The following SRGAP3 variants were observed in gnomAD, a reference collection of about 807,000 sequenced individuals.
SRGAP3 encodes the protein SLIT-ROBO Rho GTPase activating protein 3, also known as SLIT-ROBO Rho GTPase-activating protein 3.
A neutral mutation model predicts 121.1 loss-of-function variants in SRGAP3; 39 were observed. The ratio of observed to expected loss-of-function variants is 0.32; its 90% CI spans 0.25 to 0.42. The LOEUF (loss-of-function observed/expected upper bound fraction) is 0.42, where lower values mean the gene tolerates loss of function less well. Ranked by LOEUF, SRGAP3 falls within the 10% of genes least tolerant of loss-of-function variation. The pLI is 1.00. For synonymous variants in SRGAP3, 601 were observed against 570.0 expected (o/e 1.05, Z -0.77); for missense variants, 1,213 against 1,470.6 (o/e 0.82, Z 2.86).
At chr3:9,206,861 T>C (rs764588754) in intron 1 of SRGAP3, among the ~76,000 whole-genome samples, 21 of 152,182 alleles carry the variant, frequency 1.4e-4, no homozygotes, top group Non-Finnish European at 3.1e-4. Context: ...TCCTTATTTG[T>C]CTATTTCATG....
At chr3:9,272,184 C>T (rs2125261110) in intron 3 of SRGAP3, among the ~76,000 whole-genome samples, 1 of 152,300 alleles carries the variant, frequency 6.6e-6, no homozygotes, top group South Asian at 2.1e-4. Flanking sequence ...TGTTGTCAGT[C>T]GTTACGGTGG....
chr3:9,210,680 A>T (rs937874986), intron 1 of SRGAP3, among the ~76,000 whole-genome samples: 1 of 151,846 alleles, frequency 6.6e-6, no homozygotes, highest in African/African-American at 2.4e-5. Context: ...CAAAAAATAA[A>T]TTAGCCAGGG....
chr3:9,226,010 C>A (rs565168515), intron 1 of SRGAP3, among the ~76,000 whole-genome samples: 28 of 152,326 alleles, frequency 1.8e-4, no homozygotes, highest in Admixed American at 1.6e-3. Flanking sequence ...TAAAACACAC[C>A]TGAGGCTGGA....
At chr3:9,003,098 C>T (rs2124989420) in intron 18 of SRGAP3, among the ~76,000 whole-genome samples, 1 of 152,212 alleles carries the variant, frequency 6.6e-6, no homozygotes, top group East Asian at 1.9e-4. Context: ...CAAGTATTAC[C>T]CTGATACCAA....
intron 1 of SRGAP3, among the ~76,000 whole-genome samples, chr3:9,202,319 C>G (rs1952092753): frequency 6.6e-6 from 1 of 152,188 alleles, no homozygotes; most frequent in Admixed American, 6.5e-5. Context: ...TATCTGCCAG[C>G]CTTGGCCTCT....
At chr3:9,168,869 T>C (rs1479801224) in intron 1 of SRGAP3, among the ~76,000 whole-genome samples, 1 of 152,264 alleles carries the variant, frequency 6.6e-6, no homozygotes, top group Admixed American at 6.5e-5. Context: ...TATTCTGATA[T>C]GTTACAGTGG....
chr3:9,023,857 G>A (rs1042379410), intron 14 of SRGAP3, among the ~76,000 whole-genome samples: 1 of 152,130 alleles, frequency 6.6e-6, no homozygotes, highest in Admixed American at 6.5e-5. Context: ...GAAGGCCACT[G>A]AGCATGACAT....
rs1461364409 is a variant in SRGAP3, at chr3:8,983,864, G to C, written c.*1655C>G. 4.4e-6 allele frequency: 1 copy of C among 229,794 alleles called. No individual in the cohort carries two copies. Among genetic ancestry groups the C allele is most frequent in the South Asian group, 1.8e-4 (1 of 5,510 alleles). 14.2% of individuals were successfully genotyped at this position (229,794 alleles called of 1,614,324 possible). A position where few individuals can be genotyped will look rare whatever the true frequency, so the allele number is the denominator to read the frequency against. ...CCTAAGTGCTCAGGGCTGGGACTCA[G>C]ACTCTGGGCCTTTTGACTCCAAACT... On this transcript the variant is annotated 3_prime_UTR_variant, in exon 22 of 22. Coordinates refer to ENST00000383836, the MANE Select transcript of SRGAP3 (RefSeq NM_014850.4).
chr3:9,171,977 A>G (rs1950992695), intron 1 of SRGAP3, among the ~76,000 whole-genome samples: 1 of 151,658 alleles, frequency 6.6e-6, no homozygotes, highest in African/African-American at 2.4e-5. Context: ...CTCCTGCCGT[A>G]TCTCTGGATT....
rs1393755228 is a variant in SRGAP3 at position 9,038,217 on chromosome 3, C to A, written c.1409-127G>T. The stretch of plus-strand genomic sequence containing the variant: ...TATGAAATATGAAATCTAATTATGC[C>A]TAAGGTGCGGTCTGTTGAAAAGAAC... On this transcript the variant is annotated intron_variant, in intron 10 of 21. Transcript: ENST00000383836. 1.0e-5 allele frequency: 13 copies of A among 1,293,470 alleles called. No individual in the cohort carries two copies. In the African/African-American group the frequency reaches 1.6e-4, roughly 16 times the overall value. The allele number at this position is 1,293,470 out of a possible 1,614,324, so 80.1% of individuals were successfully genotyped here. A position where few individuals can be genotyped will look rare whatever the true frequency, so the allele number is the denominator to read the frequency against.
rs149999777 is a variant in SRGAP3 at position 9,362,456 on chromosome 3, G to A, written n.214+384C>T. Among the ~76,000 whole-genome samples, 321 of 150,004 alleles carry A rather than the reference G, an allele frequency of 2.1e-3. 3 individuals carry two copies. The highest frequency in any genetic ancestry group is 2.1e-3 in the Non-Finnish European group (140 of 67,528). On this transcript the variant is annotated intron_variant and non_coding_transcript_variant, in intron 1 of 3. Coordinates refer to the SRGAP3 transcript ENST00000490889. The stretch of plus-strand genomic sequence containing the variant: ...TGGGATTACAGGCATGAGCCACTGT[G>A]CCCGGCCAGGTTCAACCCTTTATGA...
intron 3 of SRGAP3, among the ~76,000 whole-genome samples, chr3:9,309,988 A>G (rs1408262838): frequency 6.6e-6 from 1 of 152,224 alleles, no homozygotes; most frequent in African/African-American, 2.4e-5. Flanking sequence ...AGAACATCCT[A>G]GAGAGGACCC....
chr3:9,113,287 G>C (rs116610382), intron 2 of SRGAP3, among the ~76,000 whole-genome samples: 178 of 152,282 alleles, frequency 1.2e-3, no homozygotes, highest in African/African-American at 4.0e-3. Context: ...GACTGTGAAG[G>C]AGGATCTGTC....
Position 9,358,612 on chromosome 3 carries a change from C to G in SRGAP3, n.214+4228G>C, listed in dbSNP as rs953160103. Among the ~76,000 whole-genome samples, 40 of 152,170 alleles carry G rather than the reference C, an allele frequency of 2.6e-4. 1 individual carries two copies. Among genetic ancestry groups the G allele is most frequent in the Non-Finnish European group, 2.2e-4 (15 of 68,034 alleles). ...TATCTACCTAGACATAATGTCAGAT[C>G]CTACAGGTTAAGGGTTCAGTCTCCA... On this transcript the variant is annotated intron_variant and non_coding_transcript_variant, in intron 1 of 3. Coordinates refer to the SRGAP3 transcript ENST00000490889.
At chr3:9,074,832 G>C (rs944488091) in intron 4 of SRGAP3, among the ~76,000 whole-genome samples, 6 of 152,210 alleles carry the variant, frequency 3.9e-5, no homozygotes, top group Admixed American at 2.0e-4. Context: ...GCTCCAGTTA[G>C]GGTCTACCTG....
chr3:9,080,196 G>T, intron 3 of SRGAP3, 109 bp from the exon 4 acceptor site: 1 of 1,027,542 alleles, frequency 9.7e-7, no homozygotes, highest in South Asian at 1.4e-5. Context: ...GGTCAGAAGG[G>T]GTACAGAAAT....
intron 11 of SRGAP3, among the ~76,000 whole-genome samples, 168 bp from the exon 12 acceptor site, chr3:9,032,920 A>G (rs1275647057): frequency 6.6e-6 from 1 of 152,018 alleles, no homozygotes; most frequent in Non-Finnish European, 1.5e-5. Context: ...AGGCCTTTGG[A>G]TGTTTTAGGG....
chr3:9,119,828 G>A (rs757773212), intron 2 of SRGAP3, among the ~76,000 whole-genome samples: 5 of 152,198 alleles, frequency 3.3e-5, no homozygotes, highest in African/African-American at 7.2e-5. Flanking sequence ...CCTACTAGCC[G>A]TCCCCATGGA....
intron 3 of SRGAP3, among the ~76,000 whole-genome samples, chr3:9,278,000 C>A (rs1290063137): frequency 2.0e-5 from 3 of 152,098 alleles, no homozygotes; most frequent in African/African-American, 7.2e-5. Flanking sequence ...CTGGAAGATG[C>A]CATCTATGAA....
Sources: gnomAD v4.1 joint callset for allele counts (sites outside exome capture counted in the v4.1 genomes callset) on GRCh38, gnomAD v4.1.1 for gene constraint, MANE v1.5 for transcripts, NCBI Gene and HGNC (gene_info 2026-07-23, HGNC 2026-07-21) for gene names.